Variants in DENND1A observed in about 807,000 individuals in gnomAD.
DENND1A encodes the protein DENN domain-containing protein 1A.
A neutral mutation model predicts 113.7 loss-of-function variants in DENND1A; 51 were observed. The ratio of observed to expected loss-of-function variants is 0.45; its 90% confidence interval spans 0.36 to 0.57. The LOEUF is 0.57. Ranked by LOEUF, DENND1A falls within the 20% of genes least tolerant of loss-of-function variation. The pLI is 0.00. For missense variants in DENND1A, 1,258 were observed against 1,395.9 expected (o/e 0.90, Z 1.57); for synonymous variants, 565 against 570.8 (o/e 0.99, Z 0.14).
At chr9:123,696,698 T>C (rs1263461982) in intron 5 of DENND1A, among the ~76,000 whole-genome samples, 1 of 152,162 alleles carries the variant, frequency 6.6e-6, no homozygotes, top group Non-Finnish European at 1.5e-5. Context: ...GAATCAGCAG[T>C]TCTTATAATA....
chr9:123,493,602 T>C (rs940778282), intron 13 of DENND1A, among the ~76,000 whole-genome samples: 11 of 152,188 alleles, frequency 7.2e-5, no homozygotes, highest in African/African-American at 2.7e-4. Context: ...AGGGAGTCCC[T>C]GCCCTATGCT....
At chr9:123,654,509 A>T (rs1319852567) in intron 8 of DENND1A, among the ~76,000 whole-genome samples, 1 of 152,174 alleles carries the variant, frequency 6.6e-6, no homozygotes, top group African/African-American at 2.4e-5. Flanking sequence ...AGAAAAAAAA[A>T]TCACAAGGAT....
intron 13 of DENND1A, among the ~76,000 whole-genome samples, chr9:123,525,016 G>A (rs941641001): frequency 1.3e-5 from 2 of 152,206 alleles, no homozygotes; most frequent in African/African-American, 2.4e-5. Context: ...TATCGCTAAG[G>A]CGTTCCATAG....
At chr9:123,904,983 A>C (rs1852487946) in intron 1 of DENND1A, among the ~76,000 whole-genome samples, 1 of 152,250 alleles carries the variant, frequency 6.6e-6, no homozygotes. Flanking sequence ...CTCAAAGGGA[A>C]GTCCATCAGA....
chr9:123,817,799 G>A (rs1837741008), intron 2 of DENND1A, among the ~76,000 whole-genome samples: 1 of 152,094 alleles, frequency 6.6e-6, no homozygotes, highest in Non-Finnish European at 1.5e-5. Flanking sequence ...GGCCGAGGTG[G>A]GTGGATCACC....
chr9:123,567,090 T>C (rs985350488), intron 12 of DENND1A, among the ~76,000 whole-genome samples: 4 of 152,216 alleles, frequency 2.6e-5, no homozygotes, highest in African/African-American at 9.7e-5. Context: ...CATGCATGTA[T>C]GCATACACAT....
intron 3 of DENND1A, among the ~76,000 whole-genome samples, chr9:123,777,612 T>C (rs942520792): frequency 6.6e-6 from 1 of 152,190 alleles, no homozygotes; most frequent in African/African-American, 2.4e-5. Context: ...AAATCATCAG[T>C]TAACAAGGCA....
chr9:123,902,094 T>A (rs1361161231), intron 1 of DENND1A, among the ~76,000 whole-genome samples: 1 of 151,962 alleles, frequency 6.6e-6, no homozygotes, highest in Non-Finnish European at 1.5e-5. Flanking sequence ...CTCTCTTCTA[T>A]AATAACAGGT....
chr9:123,582,841 C>A (rs4836934), intron 12 of DENND1A, among the ~76,000 whole-genome samples: 65,399 of 151,802 alleles, frequency 0.43, 14,694 homozygotes, highest in African/African-American at 0.56. Flanking sequence ...TGGGATTACA[C>A]GCATGCACCA....
chr9:123,538,760 G>C (rs1406771263), intron 13 of DENND1A, among the ~76,000 whole-genome samples: 1 of 111,328 alleles, frequency 9.0e-6, no homozygotes, highest in Non-Finnish European at 1.8e-5. Context: ...GTGTGTGTGT[G>C]TGTGTGTGTG....
At chr9:123,644,997 A>G (rs2062236038) in intron 9 of DENND1A, among the ~76,000 whole-genome samples, 1 of 152,232 alleles carries the variant, frequency 6.6e-6, no homozygotes, top group Non-Finnish European at 1.5e-5. Context: ...TGCTACAGGG[A>G]ATCACACTGA....
chr9:123,793,050 G>A lies in DENND1A; in HGVS notation c.89-420C>T, dbSNP rs538154162. ...TTCAGACTGGGGAGAAAGGGGGAGT[G>A]AGAGAATTCTTTCAAGGAATAAATG... On this transcript the variant is annotated intron_variant, in intron 2 of 23. Coordinates refer to ENST00000394215, the MANE Select transcript of DENND1A (RefSeq NM_001352964.2). Among the ~76,000 whole-genome samples, 98 of 152,262 alleles carry A rather than the reference G, an allele frequency of 6.4e-4. 1 individual carries two copies. Among genetic ancestry groups the A allele is most frequent in the Non-Finnish European group, 9.4e-4 (64 of 68,018 alleles).
intron 18 of DENND1A, among the ~76,000 whole-genome samples, chr9:123,446,036 A>C (rs2047279318): frequency 6.6e-6 from 1 of 152,212 alleles, no homozygotes; most frequent in African/African-American, 2.4e-5. Context: ...GAGGTCTTGT[A>C]ACTTATCCAA....
Position 123,450,610 on chromosome 9 carries a change from C to T in DENND1A, c.1356+83G>A, listed in dbSNP as rs147823598. On this transcript the variant is annotated intron_variant, in intron 18 of 23. Coordinates refer to ENST00000394215, the MANE Select transcript of DENND1A (RefSeq NM_001352964.2). ...TGTTAACAACACTGTATCAAACAGC[C>T]CTCTATTGATCCCCTCATACTTTTT... The T allele has an allele frequency of 3.7e-4, 407 of 1,111,134 alleles. 2 individuals carry two copies. Among genetic ancestry groups the T allele is most frequent in the Non-Finnish European group, 5.0e-4 (375 of 750,198 alleles). The allele number at this position is 1,111,134 out of a possible 1,614,324, so 68.8% of individuals were successfully genotyped here. A position where few individuals can be genotyped will look rare whatever the true frequency, so the allele number is the denominator to read the frequency against.
chr9:123,793,098 T>C (rs1489082137), intron 2 of DENND1A, among the ~76,000 whole-genome samples: 2 of 152,164 alleles, frequency 1.3e-5, no homozygotes, highest in East Asian at 1.9e-4. Flanking sequence ...CTTTAATAAA[T>C]GAAATATATC....
intron 1 of DENND1A, among the ~76,000 whole-genome samples, chr9:123,880,389 C>T (rs959296355): frequency 1.3e-5 from 2 of 152,158 alleles, no homozygotes; most frequent in African/African-American, 4.8e-5. Context: ...ATTATTTTTA[C>T]ATTTTCTCTT....
At chr9:123,439,971 ATTTT>A (rs549464362) in intron 19 of DENND1A, 1 of 151,238 alleles carries the variant, frequency 6.6e-6, no homozygotes, top group African/African-American at 2.4e-5. Context: ...CTCCTAATTG[ATTTT>A]TTTTTTAAGA....
intron 2 of DENND1A, among the ~76,000 whole-genome samples, chr9:123,818,889 G>T (rs184896755): frequency 6.6e-6 from 1 of 152,048 alleles, no homozygotes; most frequent in Non-Finnish European, 1.5e-5. Flanking sequence ...CTGATTAAAC[G>T]AATTATGATG....
chr9:123,880,974 A>G (rs1848237399), intron 1 of DENND1A, among the ~76,000 whole-genome samples: 1 of 152,210 alleles, frequency 6.6e-6, no homozygotes, highest in Non-Finnish European at 1.5e-5. Context: ...TAGGAGGGGA[A>G]AGAAAAATAA....
Sources: gnomAD v4.1 joint callset for allele counts (sites outside exome capture counted in the v4.1 genomes callset) on GRCh38, gnomAD v4.1.1 for gene constraint, MANE v1.5 for transcripts, NCBI Gene and HGNC (gene_info 2026-07-23, HGNC 2026-07-21) for gene names.